The following MYEF2 variants were observed in gnomAD, a reference collection of about 807,000 sequenced individuals.
MYEF2 encodes the protein myelin expression factor 2.
In MYEF2, 37 loss-of-function variants were observed where a neutral mutation model predicts 75.2. That is an observed-to-expected ratio of 0.49 (90% confidence interval 0.38 to 0.65). The LOEUF is 0.65. Ranked by LOEUF, MYEF2 falls within the 30% of genes least tolerant of loss-of-function variation. The pLI, the probability that MYEF2 is intolerant of heterozygous loss-of-function variation, is 0.00. For missense variants in MYEF2, 634 were observed against 771.4 expected (o/e 0.82, Z 2.11); for synonymous variants, 195 against 241.6 (o/e 0.81, Z 1.79).
intron 1 of MYEF2, among the ~76,000 whole-genome samples, chr15:48,173,283 C>T (rs1021828636): frequency 2.6e-5 from 4 of 152,072 alleles, no homozygotes; most frequent in African/African-American, 7.2e-5. Context: ...AAGCATTTGA[C>T]AAAACTCAAC....
At position 48,149,087 on chromosome 15, in the gene MYEF2, G is replaced by A. The variant is rs1394913356; in HGVS notation, c.1588-4C>T. 5.6e-6 allele frequency: 9 copies of A among 1,612,890 alleles called. No individual in the cohort carries two copies. Among genetic ancestry groups the A allele is most frequent in the Non-Finnish European group, 7.6e-6 (9 of 1,179,248 alleles). On this transcript the variant is annotated splice_region_variant and splice_polypyrimidine_tract_variant and intron_variant, in intron 15 of 16. Transcript: ENST00000324324. This position sits in a 1 kb window ranked among gnomAD's most constrained non-coding sequence, Gnocchi z 4.0. ...GCCAAGTCAAGTCAAAAGGTAGCTA[G>A]AATGAAAAGAGGTATTAGTAACATA... is the stretch of plus-strand genomic sequence containing the variant.
At chr15:48,144,628 C>A (rs747793523) in intron 16 of MYEF2, among the ~76,000 whole-genome samples, 10 of 151,892 alleles carry the variant, frequency 6.6e-5, no homozygotes, top group Non-Finnish European at 1.2e-4. Flanking sequence ...ACATAGCAAT[C>A]ACACTTTCTA....
At chr15:48,147,290 T>C (rs2039320576) in intron 16 of MYEF2, among the ~76,000 whole-genome samples, 1 of 151,922 alleles carries the variant, frequency 6.6e-6, no homozygotes, top group Non-Finnish European at 1.5e-5. Context: ...TGCTCATATC[T>C]AACCTCAAAC....
Position 48,158,060 on chromosome 15 carries a change from A to G in MYEF2, c.922-4T>C, listed in dbSNP as rs77618450. The G allele has an allele frequency of 2.0e-3, 3,246 of 1,613,016 alleles. 53 individuals carry two copies. In the African/African-American group the frequency reaches 0.04, roughly 20 times the overall value. On this transcript the variant is annotated splice_polypyrimidine_tract_variant and splice_region_variant and intron_variant, in intron 8 of 16. Transcript: ENST00000324324. ...CATGAGGAACAGACTTGTCATCCTA[A>G]TTGCAAGAAAGTTTATAATATGGTT... is the stretch of plus-strand genomic sequence containing the variant.
rs748298039 is a variant in MYEF2, at chr15:48,167,363, C to T, written c.409G>A (p.Glu137Lys). Residue 137 changes from glutamate to lysine, a missense_variant, in exon 3 of 17, where the codon GAA becomes AAA. By Grantham distance (56) the Glu-to-Lys change is moderately conservative. Coordinates refer to ENST00000324324, the MANE Select transcript of MYEF2 (RefSeq NM_016132.5). Reference protein sequence around the residue: ...VTYVELFKDAEGKSRGCGVVE... With the variant: ...VTYVELFKDAKGKSRGCGVVE... ...ACAGCACTTACCCTTGATTTTCCTT[C>T]CGCATCCTTAAAGAGCTCCACGTAT... 2 of 1,613,238 alleles carry T rather than the reference C, an allele frequency of 1.2e-6. No individual in the cohort carries two copies. The highest frequency in any genetic ancestry group is 1.7e-6 in the Non-Finnish European group (2 of 1,179,288).
At chr15:48,143,824 GAAGT>G (rs1009823547) in intron 16 of MYEF2, among the ~76,000 whole-genome samples, 1 of 152,038 alleles carries the variant, frequency 6.6e-6, no homozygotes, top group African/African-American at 2.4e-5. Context: ...ACTCGTATTT[GAAGT>G]AAATCAATAC....
At chr15:48,175,286 G>A (rs74990676) in intron 1 of MYEF2, among the ~76,000 whole-genome samples, 5,588 of 152,228 alleles carry the variant, frequency 0.037, 171 homozygotes, top group Non-Finnish European at 0.054. Context: ...GAAGCAGAGA[G>A]TAGAAGGGTG....
chr15:48,149,955 A>G lies in MYEF2; in HGVS notation c.1379-584T>C, dbSNP rs1597300286. ...GGTAATTCAATACTCATAGCAAAAC[A>G]TAACTTTTAATCTCAATATTACACG... On this transcript the variant is annotated intron_variant, in intron 14 of 16. Coordinates refer to ENST00000324324, the MANE Select transcript of MYEF2 (RefSeq NM_016132.5). The surrounding 1 kb of genome is among the most constrained non-coding windows in gnomAD (Gnocchi z 4.0). 6.6e-6 allele frequency: 1 copy of G among 152,154 alleles called. No homozygotes were observed. Among genetic ancestry groups the G allele is most frequent in the Non-Finnish European group, 1.5e-5 (1 of 68,056 alleles). 9.4% of individuals were successfully genotyped at this position (152,154 alleles called of 1,614,324 possible). A position where few individuals can be genotyped will look rare whatever the true frequency, so the allele number is the denominator to read the frequency against.
At chr15:48,143,463 T>C (rs1443840072) in intron 16 of MYEF2, among the ~76,000 whole-genome samples, 1 of 152,074 alleles carries the variant, frequency 6.6e-6, no homozygotes, top group Non-Finnish European at 1.5e-5. Context: ...TACTGCTCAG[T>C]CTCCCTAATC....
intron 1 of MYEF2, among the ~76,000 whole-genome samples, chr15:48,175,260 A>T (rs537304999): frequency 3.9e-5 from 6 of 152,262 alleles, no homozygotes; most frequent in East Asian, 1.9e-4. Context: ...ACAGACTTTT[A>T]AAAAAGTCAA....
chr15:48,158,695 A>AC (rs578006043), intron 7 of MYEF2, 74 bp downstream of exon 7: 28 of 1,560,304 alleles, frequency 1.8e-5, no homozygotes, highest in African/African-American at 5.4e-5. Flanking sequence ...AAATTCAATT[A>AC]CCCCCCGCCA....
chr15:48,168,910 A>G, intron 1 of MYEF2, 71 bp from the exon 2 acceptor site: 3 of 1,179,932 alleles, frequency 2.5e-6, no homozygotes, highest in Non-Finnish European at 1.2e-6. Context: ...TCTATATTAA[A>G]TAAGTATTCC....
chr15:48,165,239 T>A (rs1472832575), intron 5 of MYEF2, among the ~76,000 whole-genome samples: 2 of 152,168 alleles, frequency 1.3e-5, no homozygotes, highest in Non-Finnish European at 2.9e-5. Context: ...TATATGTACA[T>A]AACAGGTCTG....
chr15:48,142,307 C>T lies in MYEF2; in HGVS notation c.*601G>A. 6.2e-7 allele frequency: 1 copy of T among 1,609,770 alleles called. No individual in the cohort carries two copies. Among genetic ancestry groups the T allele is most frequent in the Non-Finnish European group, 8.5e-7 (1 of 1,177,898 alleles). Reference sequence around the variant, plus strand: ...TGCTACATTATCAGTTCTATATGAACTTGGAATTATTGGAAATAATAAAAT... The same window carrying T: ...TGCTACATTATCAGTTCTATATGAATTTGGAATTATTGGAAATAATAAAAT... On this transcript the variant is annotated 3_prime_UTR_variant, in exon 17 of 17. Coordinates refer to ENST00000324324, the MANE Select transcript of MYEF2 (RefSeq NM_016132.5).
At chr15:48,161,079 CA>C (rs2039923834) in intron 5 of MYEF2, among the ~76,000 whole-genome samples, 1 of 152,150 alleles carries the variant, frequency 6.6e-6, no homozygotes, top group Non-Finnish European at 1.5e-5. Flanking sequence ...ATAACATTAA[CA>C]AGATGTATTG....
intron 10 of MYEF2, chr15:48,153,203 T>A (rs1671338961): frequency 6.6e-6 from 1 of 152,156 alleles, no homozygotes; most frequent in Admixed American, 6.6e-5. Context: ...TTTATGTATG[T>A]TAACATGTAA....
At chr15:48,160,423 G>A (rs1340079984) in intron 5 of MYEF2, among the ~76,000 whole-genome samples, 2 of 150,438 alleles carry the variant, frequency 1.3e-5, no homozygotes, top group Non-Finnish European at 3.0e-5. Flanking sequence ...ATTAAACATT[G>A]TTTTTTTGTT....
chr15:48,170,604 G>C (rs1028302416), intron 1 of MYEF2, among the ~76,000 whole-genome samples: 1 of 151,948 alleles, frequency 6.6e-6, no homozygotes, highest in African/African-American at 2.4e-5. Flanking sequence ...CAAGTTTCAT[G>C]AGCCAGGCTC....
chr15:48,166,218 C>A (rs909944835), intron 3 of MYEF2, 90 bp from the exon 4 acceptor site: 1 of 1,047,038 alleles, frequency 9.6e-7, no homozygotes, highest in Non-Finnish European at 1.4e-6. Context: ...ACATTTCAAT[C>A]ATTAAGGCAA....
Sources: gnomAD v4.1 joint callset for allele counts (sites outside exome capture counted in the v4.1 genomes callset) on GRCh38, gnomAD v4.1.1 for gene constraint, Gnocchi (gnomAD v3.1) non-coding constraint, MANE v1.5 for transcripts, NCBI Gene and HGNC (gene_info 2026-07-23, HGNC 2026-07-21) for gene names.